INPP5A: variants seen among roughly 807,000 people sequenced by gnomAD.
INPP5A encodes the protein inositol polyphosphate-5-phosphatase A.
Under a neutral mutation model 65.2 loss-of-function variants are expected in INPP5A, and 14 were observed. That is an observed-to-expected ratio of 0.21 (90% CI 0.14 to 0.34). The LOEUF (loss-of-function observed/expected upper bound fraction) is 0.34, where lower values mean the gene tolerates loss of function less well. INPP5A is among the 10% of genes least tolerant of loss of function. The probability of loss-of-function intolerance (pLI) is 1.00; values close to 1 mark genes in which losing one functional copy is unlikely to be tolerated. For missense variants in INPP5A, 431 were observed against 545.6 expected (o/e 0.79, Z 2.09); for synonymous variants, 207 against 208.3 (o/e 0.99, Z 0.05).
intron 9 of INPP5A, among the ~76,000 whole-genome samples, chr10:132,729,470 C>T (rs1846044085): frequency 6.6e-6 from 1 of 152,180 alleles, no homozygotes; most frequent in Non-Finnish European, 1.5e-5. Flanking sequence ...TGCCCTGGAC[C>T]CCGCCAGGGA....
At chr10:132,664,127 G>A (rs920145567) in intron 4 of INPP5A, among the ~76,000 whole-genome samples, 1 of 152,232 alleles carries the variant, frequency 6.6e-6, no homozygotes, top group African/African-American at 2.4e-5. Flanking sequence ...AGTTTAGCTT[G>A]TTGTTCTGTT....
chr10:132,625,878 T>TGTGTGTGTG (rs2072177482), intron 2 of INPP5A, among the ~76,000 whole-genome samples: 1 of 78,912 alleles, frequency 1.3e-5, no homozygotes, highest in Admixed American at 1.3e-4. Flanking sequence ...GTGTGTGTGT[T>TGTGTGTGTG]TGTGTGTGTG....
intron 11 of INPP5A, among the ~76,000 whole-genome samples, chr10:132,760,987 CAGAA>C (rs1846723126): frequency 1.3e-5 from 2 of 152,204 alleles, no homozygotes; most frequent in African/African-American, 2.4e-5. Context: ...GGGGGAATTT[CAGAA>C]AGAGTTTGCA....
chr10:132,750,780 C>T (rs1001931306), intron 11 of INPP5A, among the ~76,000 whole-genome samples: 2 of 152,102 alleles, frequency 1.3e-5, no homozygotes, highest in African/African-American at 2.4e-5. Context: ...AGGGCGCTCC[C>T]GAGCCAGCTA....
intron 8 of INPP5A, among the ~76,000 whole-genome samples, chr10:132,722,151 G>T (rs1184463714): frequency 6.6e-6 from 1 of 152,148 alleles, no homozygotes; most frequent in Non-Finnish European, 1.5e-5. Flanking sequence ...ATGTAAAGTT[G>T]TTTGATCAGA....
chr10:132,606,762 A>T (rs2133339158), intron 1 of INPP5A, among the ~76,000 whole-genome samples: 1 of 152,234 alleles, frequency 6.6e-6, no homozygotes, highest in South Asian at 2.1e-4. Flanking sequence ...GCCCACGGCC[A>T]CGGAGGCTGA....
intron 7 of INPP5A, 109 bp from the exon 8 acceptor site, chr10:132,710,228 C>G: frequency 7.5e-7 from 1 of 1,341,726 alleles, no homozygotes; most frequent in East Asian, 2.5e-5. Context: ...TGGCTCCGCA[C>G]GGCGGAGGCC....
At chr10:132,734,553 AGTGT>A (rs1846143525) in intron 9 of INPP5A, among the ~76,000 whole-genome samples, 1 of 152,140 alleles carries the variant, frequency 6.6e-6, no homozygotes, top group African/African-American at 2.4e-5. Context: ...TGGGTGGGTG[AGTGT>A]CCCACTGTTG....
intron 2 of INPP5A, among the ~76,000 whole-genome samples, chr10:132,634,681 A>AT (rs2072318843): frequency 6.6e-6 from 1 of 152,234 alleles, no homozygotes; most frequent in African/African-American, 2.4e-5. Context: ...GTTATTAGCC[A>AT]TATACACATT....
intron 3 of INPP5A, among the ~76,000 whole-genome samples, chr10:132,646,351 A>G (rs943576669): frequency 3.9e-5 from 6 of 152,124 alleles, no homozygotes; most frequent in African/African-American, 7.2e-5. Context: ...GGGAGCGTCT[A>G]TCCTCCTTGG....
chr10:132,757,753 CAGTG>C lies in INPP5A; in HGVS notation c.903+7909_903+7912del, dbSNP rs1382809188. Among the ~76,000 whole-genome samples, 331 of 132,444 alleles carry C rather than the reference CAGTG, an allele frequency of 2.5e-3. 3 individuals carry two copies. Among genetic ancestry groups the C allele is most frequent in the African/African-American group, 7.1e-3 (271 of 38,188 alleles). The allele number at this position is 132,444 out of a possible 152,430, so 86.9% of individuals were successfully genotyped here. A position where few individuals can be genotyped will look rare whatever the true frequency, so the allele number is the denominator to read the frequency against. On this transcript the variant is annotated intron_variant, in intron 11 of 15. Transcript: ENST00000368594. ...TGGGTCCCCGGCCGACCCCACAGGCCAGTGCGATGTCGTGGGTCCCTGGCTGACC... is the reference window on the plus strand; with the variant it reads ...TGGGTCCCCGGCCGACCCCACAGGCCCGATGTCGTGGGTCCCTGGCTGACC...
In INPP5A at chr10:132,691,505, C is replaced by T. The variant is rs536421401; in HGVS notation, c.370+1050C>T. 5.8e-4 allele frequency among the ~76,000 whole-genome samples: 88 copies of T among 152,368 alleles called. No homozygotes were observed. The East Asian group carries it at 0.014, about 24-fold the overall frequency. ...GGAAGCTGGAGCCAAGGAGCTGGTG[C>T]GTCAGGCTGCGCCGTGCCGCGGATC... is the stretch of plus-strand genomic sequence containing the variant. On this transcript the variant is annotated intron_variant, in intron 5 of 15. Transcript: ENST00000368594.
At chr10:132,562,104 C>T (rs966290640) in intron 1 of INPP5A, among the ~76,000 whole-genome samples, 2 of 152,266 alleles carry the variant, frequency 1.3e-5, no homozygotes, top group African/African-American at 4.8e-5. Flanking sequence ...TTGGCGGCCT[C>T]CTGTGAAGAG....
chr10:132,758,867 C>A (rs1336891252), intron 11 of INPP5A, among the ~76,000 whole-genome samples: 1 of 152,198 alleles, frequency 6.6e-6, no homozygotes, highest in Non-Finnish European at 1.5e-5. Context: ...CGGTGTCCGG[C>A]GGCCCTGTCT....
At chr10:132,593,546 G>A (rs1284678015) in intron 1 of INPP5A, among the ~76,000 whole-genome samples, 1 of 152,184 alleles carries the variant, frequency 6.6e-6, no homozygotes, top group Admixed American at 6.5e-5. Context: ...GTGTGAGAAA[G>A]TTTATTTTTC....
intron 1 of INPP5A, among the ~76,000 whole-genome samples, chr10:132,579,460 G>A (rs528178068): frequency 6.6e-6 from 1 of 152,178 alleles, no homozygotes; most frequent in African/African-American, 2.4e-5. Context: ...TGCAGGGCAG[G>A]GAAGGGGCAG....
At chr10:132,728,230 G>A (rs147799520) in intron 9 of INPP5A, among the ~76,000 whole-genome samples, 71 of 152,370 alleles carry the variant, frequency 4.7e-4, no homozygotes, top group African/African-American at 1.7e-3. Context: ...GTGGTGGGCT[G>A]AGGAGCACAT....
intron 4 of INPP5A, among the ~76,000 whole-genome samples, chr10:132,689,027 A>G (rs973395434): frequency 6.7e-6 from 1 of 150,298 alleles, no homozygotes; most frequent in Non-Finnish European, 1.5e-5. Context: ...GTGAGTGCAT[A>G]TATGTGTTAA....
At position 132,780,840 on chromosome 10, in the gene INPP5A, C is replaced by T. The variant is rs746245567; in HGVS notation, c.1090-9C>T. 1 of 1,612,968 alleles carries T rather than the reference C, an allele frequency of 6.2e-7. No homozygotes were observed. The highest frequency in any genetic ancestry group is 2.2e-5 in the East Asian group (1 of 44,868). ...TCCCCACACTCACCTGTCTGTTTCC[C>T]CTTTCCAGTCGGAGAGCGAGGAGAA... On this transcript the variant is annotated splice_polypyrimidine_tract_variant and intron_variant, in intron 13 of 15. Coordinates refer to ENST00000368594, the MANE Select transcript of INPP5A (RefSeq NM_005539.5).
Sources: gnomAD v4.1 joint callset for allele counts (sites outside exome capture counted in the v4.1 genomes callset) on GRCh38, gnomAD v4.1.1 for gene constraint, MANE v1.5 for transcripts, NCBI Gene and HGNC (gene_info 2026-07-23, HGNC 2026-07-21) for gene names.